NR4A1: variants seen among roughly 807,000 people sequenced by gnomAD.
The protein encoded by NR4A1 is nuclear receptor subfamily 4immunitygroup A member 1.
NR4A1 carries 24 observed loss-of-function variants against 47.5 expected under a neutral mutation model. That is an observed-to-expected ratio of 0.50 (90% CI 0.37 to 0.71). NR4A1 has a LOEUF of 0.71. NR4A1 is among the 30% of genes least tolerant of loss of function. The pLI is 0.00. For missense variants in NR4A1, 669 were observed against 788.6 expected (o/e 0.85, Z 1.82); for synonymous variants, 353 against 345.7 (o/e 1.02, Z -0.24).
chr12:52,036,579 G>T (rs951975777), intron 1 of NR4A1, among the ~76,000 whole-genome samples: 29 of 152,204 alleles, frequency 1.9e-4, no homozygotes, highest in African/African-American at 6.8e-4. Context: ...CCAGATCAGT[G>T]AATCCATCAC....
At chr12:52,046,978 G>A (rs1474008458), upstream of NR4A1, among the ~76,000 whole-genome samples, 9 of 152,132 alleles carry the variant, frequency 5.9e-5, no homozygotes, top group African/African-American at 9.7e-5. Flanking sequence ...ATATGGGGTC[G>A]GTGGGGAACT....
chr12:52,037,738 G>T, intron 1 of NR4A1: 1 of 985,504 alleles, frequency 1.0e-6, no homozygotes, highest in Non-Finnish European at 1.2e-6. Context: ...TGCGGGAACC[G>T]GTTCCAGGAG....
At chr12:52,041,335 G>T (rs533120048) in intron 1 of NR4A1, among the ~76,000 whole-genome samples, 59 of 152,188 alleles carry the variant, frequency 3.9e-4, no homozygotes, top group South Asian at 1.2e-3. Flanking sequence ...AGACGGTCTG[G>T]GATCCCACAT....
At chr12:52,023,390 G>T (rs1242252249) in intron 1 of NR4A1, among the ~76,000 whole-genome samples, 1 of 152,196 alleles carries the variant, frequency 6.6e-6, no homozygotes, top group South Asian at 2.1e-4. Context: ...GGGTGGGAGC[G>T]CAGAGGGGGC....
At chr12:52,038,700 G>A (rs747987711) in intron 1 of NR4A1, 1 of 764,398 alleles carries the variant, frequency 1.3e-6, no homozygotes, top group South Asian at 1.3e-5. Flanking sequence ...GTCATCCAGA[G>A]CTGTGAGGAA....
chr12:52,029,517 G>A (rs1465425773), intron 1 of NR4A1, among the ~76,000 whole-genome samples: 2 of 152,072 alleles, frequency 1.3e-5, no homozygotes, highest in African/African-American at 2.4e-5. Flanking sequence ...GTGAAACCCC[G>A]TCTCTACAAA....
chr12:52,051,214 A>G (rs1229225234), upstream of NR4A1, among the ~76,000 whole-genome samples: 1 of 152,166 alleles, frequency 6.6e-6, no homozygotes, highest in African/African-American at 2.4e-5. Context: ...CCCTGCGTCA[A>G]TGGAACCCCG....
intron 3 of NR4A1, 103 bp downstream of exon 3, chr12:52,056,262 C>T (rs12812582): frequency 0.21 from 301,620 of 1,463,164 alleles, 34,935 homozygotes; most frequent in Admixed American, 0.48. Context: ...GAGGAGGGCA[C>T]GTCTTATTTC....
At chr12:52,036,155 C>T (rs1034543805) in intron 1 of NR4A1, among the ~76,000 whole-genome samples, 7 of 152,210 alleles carry the variant, frequency 4.6e-5, no homozygotes, top group Non-Finnish European at 1.0e-4. Flanking sequence ...TGACCAGCCT[C>T]TCCTGAGTGG....
intron 1 of NR4A1, among the ~76,000 whole-genome samples, chr12:52,025,047 A>G (rs1410655877): frequency 6.9e-6 from 1 of 145,808 alleles, no homozygotes; most frequent in Non-Finnish European, 1.5e-5. Context: ...CGCCTCTCGG[A>G]CCTTGCTCAC....
chr12:52,049,314 A>G (rs1417435073), upstream of NR4A1, among the ~76,000 whole-genome samples: 1 of 152,256 alleles, frequency 6.6e-6, no homozygotes, highest in African/African-American at 2.4e-5. Flanking sequence ...ACACAGTTCA[A>G]ACGTGTTGTT....
In NR4A1 at chr12:52,042,616, A is replaced by G. The variant is rs7134847; in HGVS notation, c.37+687A>G. 4.4e-3 allele frequency among the ~76,000 whole-genome samples: 667 copies of G among 152,192 alleles called. 6 individuals carry two copies. The highest frequency in any genetic ancestry group is 0.015 in the African/African-American group (643 of 41,514). On this transcript the variant is annotated intron_variant, in intron 2 of 7. Transcript: ENST00000360284. ...GATGTGTAGAGCCAAGCCCAGAACC[A>G]TGCCTCCTGGGTGGCTGGCAAGCAC...
chr12:52,023,593 G>T (rs1193361600), intron 1 of NR4A1, among the ~76,000 whole-genome samples: 1 of 142,204 alleles, frequency 7.0e-6, no homozygotes, highest in Non-Finnish European at 1.5e-5. Context: ...GCTCCCAGCC[G>T]CAGACACGGG....
intron 2 of NR4A1, 39 bp from the exon 3 acceptor site, chr12:52,055,990 CA>C: frequency 7.8e-7 from 1 of 1,284,874 alleles, no homozygotes; most frequent in South Asian, 1.9e-5. Flanking sequence ...CTCCCCACCC[CA>C]CACTCTGACA....
In NR4A1 at chr12:52,054,444, G is replaced by A. The variant is rs1420381138; in HGVS notation, c.116G>A (p.Ser39Asn). ...ATCAAGCCCACCATGGACCTGGCCA[G>A]CCCCGAGGCAGCCCCCGCTGCCCCC... ...EFIKPTMDLA[S>N]PEAAPAAPTA... The change falls in exon 2 of 7, where the codon AGC becomes AAC. Residue 39 changes from serine to asparagine, a missense_variant. By Grantham distance (46) the Ser-to-Asn change is conservative. Coordinates refer to ENST00000394825, the MANE Select transcript of NR4A1 (RefSeq NM_173157.3). 1 of 1,613,382 alleles carries A rather than the reference G, an allele frequency of 6.2e-7. No individual in the cohort carries two copies. The highest frequency in any genetic ancestry group is 1.3e-5 in the African/African-American group (1 of 74,848).
chr12:52,030,166 T>C (rs1423536831), intron 1 of NR4A1, among the ~76,000 whole-genome samples: 1 of 152,232 alleles, frequency 6.6e-6, no homozygotes, highest in East Asian at 1.9e-4. Context: ...CCGCCCTCCC[T>C]GTCCCTCTCC....
chr12:52,046,106 A>G (rs1173050252), intron 2 of NR4A1, among the ~76,000 whole-genome samples: 1 of 152,202 alleles, frequency 6.6e-6, no homozygotes, highest in Non-Finnish European at 1.5e-5. Flanking sequence ...AGTCTCAGTG[A>G]AAGTAGGGCA....
chr12:52,053,926 C>G (rs1480929399), intron 1 of NR4A1: 1 of 202,784 alleles, frequency 4.9e-6, no homozygotes, highest in Non-Finnish European at 9.9e-6. Flanking sequence ...TGAGGCTTTG[C>G]TGGGCTGCCT....
At chr12:52,031,855 C>G (rs548684987) in intron 1 of NR4A1, among the ~76,000 whole-genome samples, 3 of 148,512 alleles carry the variant, frequency 2.0e-5, no homozygotes, top group Non-Finnish European at 4.4e-5. Flanking sequence ...TCTCAGCTCA[C>G]TGCAACCTTC....
Sources: allele counts gnomAD v4.1 joint callset (sites outside exome capture counted in the v4.1 genomes callset), GRCh38; gene constraint gnomAD v4.1.1; transcripts MANE v1.5; gene names NCBI Gene and HGNC (gene_info 2026-07-23, HGNC 2026-07-21).